The following FRAS1 variants were observed in gnomAD, a reference collection of about 807,000 sequenced individuals.
FRAS1 encodes the protein extracellular matrix organizing protein FRAS1.
A neutral mutation model predicts 435.2 loss-of-function variants in FRAS1; 290 were observed. The observed-to-expected ratio is 0.67, with a 90% CI of 0.61 to 0.73. The LOEUF is 0.73. FRAS1 is among the 30% of genes least tolerant of loss of function. The pLI is 0.00. For missense variants in FRAS1, 4,860 were observed against 5,001.5 expected (o/e 0.97, Z 0.85); for synonymous variants, 1,800 against 1,851.0 (o/e 0.97, Z 0.71).
chr4:78,089,275 G>A (rs7670386), intron 2 of FRAS1, among the ~76,000 whole-genome samples: 1 of 133,340 alleles, frequency 7.5e-6, no homozygotes, highest in Non-Finnish European at 1.6e-5. Flanking sequence ...ACTGGGGCCT[G>A]TTGTGTGGTG....
intron 4 of FRAS1, among the ~76,000 whole-genome samples, chr4:78,246,272 C>CTT (rs1320384590): frequency 6.6e-6 from 1 of 152,150 alleles, no homozygotes; most frequent in African/African-American, 2.4e-5. Flanking sequence ...GTTAGTGTCT[C>CTT]TTTATTCAGG....
intron 2 of FRAS1, among the ~76,000 whole-genome samples, chr4:78,154,308 T>C (rs1483114770): frequency 1.3e-5 from 2 of 152,188 alleles, no homozygotes; most frequent in African/African-American, 4.8e-5. Flanking sequence ...GGTGCACACT[T>C]TGGAGGTAAT....
At chr4:78,431,628 A>G (rs1734226014) in intron 37 of FRAS1, among the ~76,000 whole-genome samples, 1 of 152,206 alleles carries the variant, frequency 6.6e-6, no homozygotes, top group Admixed American at 6.5e-5. Flanking sequence ...CTGTGAAATC[A>G]TTAGGGCTCA....
intron 2 of FRAS1, among the ~76,000 whole-genome samples, chr4:78,150,893 G>A (rs201262734): frequency 6.6e-6 from 1 of 152,184 alleles, no homozygotes; most frequent in East Asian, 1.9e-4. Context: ...AAACATTGTT[G>A]ATCTTGGGGA....
At chr4:78,153,408 A>AT (rs1305732736) in intron 2 of FRAS1, among the ~76,000 whole-genome samples, 3 of 152,148 alleles carry the variant, frequency 2.0e-5, no homozygotes, top group Non-Finnish European at 1.5e-5. Context: ...AACTAACAAG[A>AT]TTTTAGCTTG....
chr4:78,412,942 G>C, intron 31 of FRAS1, 27 bp from the exon 32 acceptor site: 1 of 1,449,274 alleles, frequency 6.9e-7, no homozygotes, highest in Non-Finnish European at 9.5e-7. Flanking sequence ...GAAGATGAGA[G>C]GCTCACCAGG....
chr4:78,071,656 C>T (rs1740354562), intron 2 of FRAS1: 2 of 152,168 alleles, frequency 1.3e-5, no homozygotes, highest in African/African-American at 4.8e-5. Context: ...CTACGAGCCA[C>T]ATGTGGTTAT....
chr4:78,338,099 A>G, intron 20 of FRAS1: 2 of 307,852 alleles, frequency 6.5e-6, no homozygotes, highest in South Asian at 4.4e-5. Context: ...TATGCATTCA[A>G]AACTTCTTAA....
chr4:78,180,861 T>A, intron 2 of FRAS1: 2 of 1,583,648 alleles, frequency 1.3e-6, no homozygotes, highest in Non-Finnish European at 1.7e-6. Context: ...TCTTATGGCA[T>A]CCAGTTAAGC....
intron 11 of FRAS1, among the ~76,000 whole-genome samples, chr4:78,282,361 C>T (rs1227101983): frequency 1.3e-5 from 2 of 152,216 alleles, no homozygotes; most frequent in Non-Finnish European, 2.9e-5. Context: ...AATGACTCAA[C>T]TGTTAACTCT....
chr4:78,307,554 C>G (rs527395366), intron 14 of FRAS1, among the ~76,000 whole-genome samples: 61 of 152,348 alleles, frequency 4.0e-4, no homozygotes, highest in African/African-American at 1.4e-3. Context: ...ATTTAATCTC[C>G]TGGTGCGCCG....
At chr4:78,454,432 G>T (rs1235931716) in intron 47 of FRAS1, among the ~76,000 whole-genome samples, 2 of 152,142 alleles carry the variant, frequency 1.3e-5, no homozygotes, top group East Asian at 1.9e-4. Flanking sequence ...TGGCAGGAGG[G>T]CATGCAGAGA....
intron 2 of FRAS1, among the ~76,000 whole-genome samples, chr4:78,159,521 TGA>T (rs1174195625): frequency 6.6e-6 from 1 of 152,204 alleles, no homozygotes; most frequent in Non-Finnish European, 1.5e-5. Context: ...CTTGACCATG[TGA>T]GTCATGACTT....
At chr4:78,448,394 C>T in intron 44 of FRAS1, 78 bp downstream of exon 44, 1 of 1,354,090 alleles carries the variant, frequency 7.4e-7, no homozygotes, top group Non-Finnish European at 1.0e-6. Context: ...GTACTTTCTT[C>T]CATGTTAGTG....
intron 26 of FRAS1, among the ~76,000 whole-genome samples, chr4:78,377,275 T>G (rs1166845629): frequency 1.3e-5 from 2 of 152,190 alleles, no homozygotes; most frequent in Non-Finnish European, 2.9e-5. Context: ...ATATTAAGAC[T>G]TCCCCATGGG....
chr4:78,223,155 A>G (rs1317477), intron 2 of FRAS1, among the ~76,000 whole-genome samples: 46,440 of 152,006 alleles, frequency 0.31, 7,303 homozygotes, highest in East Asian at 0.35. Flanking sequence ...GTACTGAGTC[A>G]GTATGTCATT....
At chr4:78,182,307 CG>C (rs1722050704) in intron 2 of FRAS1, among the ~76,000 whole-genome samples, 1 of 152,132 alleles carries the variant, frequency 6.6e-6, no homozygotes, top group African/African-American at 2.4e-5. Flanking sequence ...GAAATGTACA[CG>C]GGGAGCACCT....
At chr4:78,143,353 A>T (rs867246490) in intron 2 of FRAS1, among the ~76,000 whole-genome samples, 5 of 152,294 alleles carry the variant, frequency 3.3e-5, no homozygotes, top group Admixed American at 6.5e-5. Context: ...AAGTAACAGA[A>T]CTACAAGGAG....
chr4:78,226,313 G>A lies in FRAS1; in HGVS notation c.109-11197G>A, dbSNP rs535870158. 3.3e-5 allele frequency among the ~76,000 whole-genome samples: 5 copies of A among 152,040 alleles called. No homozygotes were observed. The East Asian group carries it at 5.8e-4, about 18-fold the overall frequency. On this transcript the variant is annotated intron_variant, in intron 2 of 73. Coordinates refer to ENST00000512123, the MANE Select transcript of FRAS1 (RefSeq NM_025074.7). ...TCTAAATTTCTTCCTACATTACTGT[G>A]TTTCTATTTAGAGTCATTTTCTTAT...
Sources: allele counts gnomAD v4.1 joint callset (sites outside exome capture counted in the v4.1 genomes callset), GRCh38; gene constraint gnomAD v4.1.1; transcripts MANE v1.5; gene names NCBI Gene and HGNC (gene_info 2026-07-23, HGNC 2026-07-21).